Variants in CRHR2 observed in about 807,000 individuals in gnomAD.
CRHR2 encodes corticotropin releasing hormone receptor 2, also known as corticotropin-releasing hormone receptor 2.
In CRHR2, 53 loss-of-function variants were observed where a neutral mutation model predicts 57.9. That is an observed-to-expected ratio of 0.92 (90% CI 0.73 to 1.15). CRHR2 has a LOEUF of 1.15. Among genes scored for constraint, CRHR2 ranks in the 50% most tolerant of loss-of-function variants. CRHR2 has a pLI of 0.00. For synonymous variants in CRHR2, 213 were observed against 220.9 expected (o/e 0.96, Z 0.32); for missense variants, 532 against 542.6 (o/e 0.98, Z 0.19).
intron 6 of CRHR2, 103 bp downstream of exon 6, chr7:30,662,591 G>T: frequency 7.0e-7 from 1 of 1,427,678 alleles, no homozygotes; most frequent in Non-Finnish European, 9.6e-7. Context: ...CGCTGGGGGT[G>T]GAGGGCAGGG....
chr7:30,682,534 CGGGGGGCGGG>C, upstream of CRHR2: 2 of 1,237,144 alleles, frequency 1.6e-6, no homozygotes, highest in Non-Finnish European at 2.0e-6. Flanking sequence ...ATGGCTGCGC[CGGGGGGCGGG>C]GCCGGGCGGC....
At chr7:30,696,500 T>C (rs1785060777) in intron 1 of CRHR2, among the ~76,000 whole-genome samples, 1 of 152,140 alleles carries the variant, frequency 6.6e-6, no homozygotes, top group East Asian at 1.9e-4. Context: ...GGTGGGTGGA[T>C]CATGAGGTCA....
chr7:30,684,745 G>C (rs1235633973), upstream of CRHR2, among the ~76,000 whole-genome samples: 1 of 152,214 alleles, frequency 6.6e-6, no homozygotes, highest in East Asian at 1.9e-4. Flanking sequence ...TGTCATTCGA[G>C]ATGTGACAGA....
intron 2 of CRHR2, among the ~76,000 whole-genome samples, chr7:30,679,252 C>G (rs1784619288): frequency 6.6e-6 from 1 of 152,254 alleles, no homozygotes; most frequent in African/African-American, 2.4e-5. Flanking sequence ...TTCCAAACCT[C>G]TAAGCTCTCC....
intron 9 of CRHR2, 26 bp downstream of exon 9, chr7:30,655,901 T>TG: frequency 6.2e-7 from 1 of 1,609,466 alleles, no homozygotes; most frequent in Admixed American, 1.7e-5. Flanking sequence ...GTCCCCATTG[T>TG]GGGGTCAAGG....
At chr7:30,686,652 T>C, upstream of CRHR2, 1 of 803,662 alleles carries the variant, frequency 1.2e-6, no homozygotes. Flanking sequence ...AATAGTCCAT[T>C]TGGATTTTTA....
chr7:30,683,153 G>A (rs1784779861), upstream of CRHR2, among the ~76,000 whole-genome samples: 1 of 152,216 alleles, frequency 6.6e-6, no homozygotes, highest in Non-Finnish European at 1.5e-5. Context: ...CTGCTTGAGT[G>A]ACTGGGTGGC....
At chr7:30,693,398 C>T (rs1318477065) in intron 1 of CRHR2, among the ~76,000 whole-genome samples, 2 of 152,120 alleles carry the variant, frequency 1.3e-5, no homozygotes, top group African/African-American at 4.8e-5. Context: ...TGAAACCCCT[C>T]AAAGGTGGGA....
chr7:30,654,789 G>A (rs1783714331), intron 11 of CRHR2: 1 of 1,537,284 alleles, frequency 6.5e-7, no homozygotes, highest in African/African-American at 1.4e-5. Context: ...TGCGGCCTGG[G>A]CTTCCTTGCT....
At position 30,656,110 on chromosome 7, in the gene CRHR2, C is replaced by T. The variant is rs1488597626; in HGVS notation, c.832-98G>A. ...CCCTTCCCCGCAGACCCCTGGAAACCGATGTCCCACGCACACACCTATCCT... is the reference window on the plus strand; with the variant it reads ...CCCTTCCCCGCAGACCCCTGGAAACTGATGTCCCACGCACACACCTATCCT... On this transcript the variant is annotated intron_variant, in intron 8 of 11. Transcript: ENST00000471646. This position sits in a 1 kb window ranked among gnomAD's most constrained non-coding sequence, Gnocchi z 4.4. The T allele has an allele frequency of 2.3e-5, 25 of 1,076,316 alleles. No individual in the cohort carries two copies. In the South Asian group the frequency reaches 2.4e-4, roughly 10 times the overall value. 66.7% of individuals were successfully genotyped at this position (1,076,316 alleles called of 1,614,324 possible). A position where few individuals can be genotyped will look rare whatever the true frequency, so the allele number is the denominator to read the frequency against.
chr7:30,655,511 G>A, intron 10 of CRHR2, 69 bp downstream of exon 10: 1 of 1,547,156 alleles, frequency 6.5e-7, no homozygotes, highest in South Asian at 1.2e-5. Flanking sequence ...CCCCCTTAGT[G>A]AGGGCATGGC....
intron 2 of CRHR2, among the ~76,000 whole-genome samples, chr7:30,680,382 A>C (rs1784662224): frequency 6.6e-6 from 1 of 152,186 alleles, no homozygotes; most frequent in Admixed American, 6.5e-5. Context: ...GGGGAGAACA[A>C]GGCATAGCCC....
chr7:30,666,906 G>A (rs1784204035), intron 3 of CRHR2, among the ~76,000 whole-genome samples: 1 of 152,234 alleles, frequency 6.6e-6, no homozygotes, highest in South Asian at 2.1e-4. Context: ...CCCAGAGGGA[G>A]AGGAAGGTGT....
chr7:30,672,534 G>A (rs1489002477), intron 2 of CRHR2, among the ~76,000 whole-genome samples: 2 of 152,172 alleles, frequency 1.3e-5, no homozygotes, highest in South Asian at 2.1e-4. Flanking sequence ...TGGGCCAGGA[G>A]GACAGTCTGC....
intron 1 of CRHR2, among the ~76,000 whole-genome samples, chr7:30,692,207 G>C (rs529250370): frequency 3.3e-5 from 5 of 152,310 alleles, no homozygotes; most frequent in Non-Finnish European, 5.9e-5. Flanking sequence ...AGGACTTTAG[G>C]AGGGGGCTAG....
intron 1 of CRHR2, among the ~76,000 whole-genome samples, chr7:30,692,672 G>A (rs1435402783): frequency 6.6e-6 from 1 of 152,206 alleles, no homozygotes. Flanking sequence ...GAGACAGGCA[G>A]GAAGGGGAGG....
chr7:30,673,880 C>T (rs1407553721), intron 2 of CRHR2, among the ~76,000 whole-genome samples: 4 of 152,158 alleles, frequency 2.6e-5, no homozygotes, highest in African/African-American at 9.7e-5. Context: ...CCCAGACTGA[C>T]GTAGAAGTGC....
upstream of CRHR2, among the ~76,000 whole-genome samples, chr7:30,684,156 T>A (rs1784808183): frequency 1.3e-5 from 2 of 152,144 alleles, no homozygotes; most frequent in East Asian, 1.9e-4. Context: ...GGTTCCTTGG[T>A]CTTCATATTA....
upstream of CRHR2, among the ~76,000 whole-genome samples, chr7:30,685,968 C>G (rs1284178212): frequency 6.6e-6 from 1 of 152,172 alleles, no homozygotes; most frequent in Admixed American, 6.5e-5. Context: ...CCTCACCCTT[C>G]TGCTCCATTT....
Sources: allele counts gnomAD v4.1 joint callset (sites outside exome capture counted in the v4.1 genomes callset), GRCh38; gene constraint gnomAD v4.1.1; non-coding constraint Gnocchi (gnomAD v3.1); transcripts MANE v1.5; gene names NCBI Gene and HGNC (gene_info 2026-07-23, HGNC 2026-07-21).